Variants in SNX29 observed in about 807,000 individuals in gnomAD.
SNX29 encodes the protein sorting nexin 29, also known as sorting nexin-29.
Under a neutral mutation model 102.1 loss-of-function variants are expected in SNX29, and 78 were observed. That is an observed-to-expected ratio of 0.76 (90% CI 0.64 to 0.92). The LOEUF is 0.92. SNX29 is among the 40% of genes least tolerant of loss of function. SNX29 has a pLI of 0.00. For missense variants in SNX29, 1,280 were observed against 1,061.7 expected (o/e 1.21, Z -2.86); for synonymous variants, 580 against 414.5 (o/e 1.40, Z -4.85).
intron 15 of SNX29, among the ~76,000 whole-genome samples, chr16:12,297,488 C>A (rs181635791): frequency 6.6e-6 from 1 of 152,018 alleles, no homozygotes; most frequent in Admixed American, 6.6e-5. Context: ...CACTTCTCTC[C>A]TCCTCCGCAT....
chr16:12,133,001 G>T (rs1230450698), intron 13 of SNX29, among the ~76,000 whole-genome samples: 1 of 152,222 alleles, frequency 6.6e-6, no homozygotes, highest in Non-Finnish European at 1.5e-5. Flanking sequence ...TGCTCGGGCA[G>T]TTGTTGCCTG....
At chr16:12,071,339 T>C (rs1391095995) in intron 10 of SNX29, among the ~76,000 whole-genome samples, 3 of 152,222 alleles carry the variant, frequency 2.0e-5, no homozygotes, top group Admixed American at 6.5e-5. Flanking sequence ...CTTGAATTAA[T>C]TTTTGTATAA....
intron 19 of SNX29, among the ~76,000 whole-genome samples, chr16:12,520,928 G>T (rs1406110759): frequency 6.6e-6 from 1 of 152,208 alleles, no homozygotes; most frequent in African/African-American, 2.4e-5. Flanking sequence ...GCCGGGTGCA[G>T]TAGCTCATGC....
intron 20 of SNX29, among the ~76,000 whole-genome samples, chr16:12,562,106 C>A (rs561701087): frequency 6.6e-6 from 1 of 152,124 alleles, no homozygotes; most frequent in African/African-American, 2.4e-5. Context: ...TTTCTAAGGC[C>A]GTTCACTCTC....
intron 3 of SNX29, among the ~76,000 whole-genome samples, chr16:12,004,182 A>G (rs1478387137): frequency 6.6e-6 from 1 of 152,026 alleles, no homozygotes; most frequent in African/African-American, 2.4e-5. Flanking sequence ...TCTACTAAAA[A>G]TACAAAAAAT....
intron 11 of SNX29, among the ~76,000 whole-genome samples, chr16:12,110,530 G>A (rs963084579): frequency 5.3e-5 from 8 of 152,178 alleles, no homozygotes; most frequent in African/African-American, 1.2e-4. Flanking sequence ...GGAAGGGACG[G>A]CCTTTTGCTA....
chr16:12,266,162 C>G (rs533820499), intron 14 of SNX29, among the ~76,000 whole-genome samples: 2 of 152,148 alleles, frequency 1.3e-5, no homozygotes, highest in African/African-American at 4.8e-5. Context: ...TGGGCTCAAG[C>G]GATCCTCCCG....
intron 9 of SNX29, among the ~76,000 whole-genome samples, chr16:12,067,707 C>T (rs1475951688): frequency 6.6e-6 from 1 of 152,176 alleles, no homozygotes; most frequent in African/African-American, 2.4e-5. Flanking sequence ...AGGCTGGTCT[C>T]GAACTCCTGA....
chr16:12,436,270 C>G (rs925089279), intron 18 of SNX29, among the ~76,000 whole-genome samples: 4 of 152,138 alleles, frequency 2.6e-5, no homozygotes, highest in Non-Finnish European at 5.9e-5. Flanking sequence ...TGGCTCTCCA[C>G]AGGAGGCCGC....
At chr16:12,425,774 C>T (rs2085051287) in intron 18 of SNX29, among the ~76,000 whole-genome samples, 1 of 152,116 alleles carries the variant, frequency 6.6e-6, no homozygotes, top group African/African-American at 2.4e-5. Context: ...TTTCTGAATT[C>T]CTCTCGGAAT....
At chr16:12,180,852 GCTCT>G (rs1297321085) in intron 13 of SNX29, among the ~76,000 whole-genome samples, 2 of 152,160 alleles carry the variant, frequency 1.3e-5, no homozygotes, top group East Asian at 3.9e-4. Context: ...AGGGAGCAGA[GCTCT>G]CTCTCCTGTG....
chr16:12,353,499 A>G (rs1003470353), intron 15 of SNX29, among the ~76,000 whole-genome samples: 3 of 140,244 alleles, frequency 2.1e-5, no homozygotes, highest in Non-Finnish European at 4.4e-5. Flanking sequence ...ACGCACAGCC[A>G]CAGGCTCATA....
chr16:12,094,461 C>A (rs531776979), intron 11 of SNX29, among the ~76,000 whole-genome samples: 6 of 152,204 alleles, frequency 3.9e-5, no homozygotes, highest in Non-Finnish European at 8.8e-5. Flanking sequence ...ACCATCCCTC[C>A]TGCAGAGGCC....
At chr16:12,523,688 C>T (rs2090186634) in intron 19 of SNX29, among the ~76,000 whole-genome samples, 1 of 152,240 alleles carries the variant, frequency 6.6e-6, no homozygotes, top group South Asian at 2.1e-4. Context: ...GCTGGCCCTG[C>T]CCACAAACAC....
At chr16:12,415,769 G>A (rs2084607783) in intron 18 of SNX29, among the ~76,000 whole-genome samples, 2 of 152,144 alleles carry the variant, frequency 1.3e-5, no homozygotes, top group African/African-American at 2.4e-5. Flanking sequence ...CACCTGCCCT[G>A]AACTGCCACA....
intron 15 of SNX29, among the ~76,000 whole-genome samples, chr16:12,337,670 G>A (rs114552303): frequency 0.011 from 1,608 of 152,232 alleles, 22 homozygotes; most frequent in African/African-American, 0.037. Flanking sequence ...AAGAATACTT[G>A]CAAACATGTG....
chr16:12,189,685 C>T (rs180783111), intron 13 of SNX29, among the ~76,000 whole-genome samples: 24 of 152,224 alleles, frequency 1.6e-4, no homozygotes, highest in Admixed American at 5.2e-4. Context: ...CCCTATTATG[C>T]ATTAAATTTT....
At chr16:12,545,616 G>A (rs952088132) in intron 20 of SNX29, 1 of 152,104 alleles carries the variant, frequency 6.6e-6, no homozygotes, top group African/African-American at 2.4e-5. Context: ...AGAAAGCAAG[G>A]GTCTGGCTCT....
chr16:12,066,856 C>T (rs1302015961), intron 9 of SNX29, among the ~76,000 whole-genome samples: 1 of 151,934 alleles, frequency 6.6e-6, no homozygotes, highest in Non-Finnish European at 1.5e-5. Flanking sequence ...ATGCCACCCT[C>T]ACTGAGCATT....
Sources: allele counts gnomAD v4.1 joint callset (sites outside exome capture counted in the v4.1 genomes callset), GRCh38; gene constraint gnomAD v4.1.1; transcripts MANE v1.5; gene names NCBI Gene and HGNC (gene_info 2026-07-23, HGNC 2026-07-21).